Variants in CHRM2 observed in about 807,000 individuals in gnomAD.
CHRM2 encodes the protein cholinergic receptor muscarinic 2.
Under a neutral mutation model 25.0 loss-of-function variants are expected in CHRM2, and 8 were observed. That is an observed-to-expected ratio of 0.32 (90% CI 0.19 to 0.58). The LOEUF (loss-of-function observed/expected upper bound fraction) is 0.58, where lower values mean the gene tolerates loss of function less well. Ranked by LOEUF, CHRM2 falls within the 20% of genes least tolerant of loss-of-function variation. The pLI is 0.88. For synonymous variants in CHRM2, 202 were observed against 205.7 expected (o/e 0.98, Z 0.15); for missense variants, 440 against 567.1 (o/e 0.78, Z 2.28).
intron 2 of CHRM2, among the ~76,000 whole-genome samples, chr7:136,944,473 ATGTGTG>A (rs3068417): frequency 0.14 from 21,496 of 151,368 alleles, 2,045 homozygotes; most frequent in East Asian, 0.38. Context: ...GTATGTATGT[ATGTGTG>A]TGTGTGTGTA....
intron 3 of CHRM2, among the ~76,000 whole-genome samples, chr7:137,011,973 T>A (rs1304511189): frequency 6.6e-6 from 1 of 152,088 alleles, no homozygotes; most frequent in African/African-American, 2.4e-5. Flanking sequence ...ATCAAACTAG[T>A]TGATTTTGAA....
intron 2 of CHRM2, among the ~76,000 whole-genome samples, chr7:136,967,105 A>AATGTC (rs1166000886): frequency 2.0e-5 from 3 of 152,086 alleles, no homozygotes; most frequent in Middle Eastern, 6.8e-3. Context: ...ATAATAGAAG[A>AATGTC]ATGTCATGGA....
chr7:136,906,204 T>TATAC (rs1439265662), intron 2 of CHRM2, among the ~76,000 whole-genome samples: 2 of 150,926 alleles, frequency 1.3e-5, no homozygotes, highest in Non-Finnish European at 3.0e-5. Context: ...CGTATATATA[T>TATAC]ATACGCACAC....
At chr7:136,913,286 A>C (rs1436769608) in intron 2 of CHRM2, among the ~76,000 whole-genome samples, 1 of 151,944 alleles carries the variant, frequency 6.6e-6, no homozygotes, top group Non-Finnish European at 1.5e-5. Flanking sequence ...AAAATAAATA[A>C]TGGATTAGCC....
At chr7:136,910,282 A>G (rs1563060158) in intron 2 of CHRM2, among the ~76,000 whole-genome samples, 1 of 151,962 alleles carries the variant, frequency 6.6e-6, no homozygotes, top group Non-Finnish European at 1.5e-5. Flanking sequence ...TTTGATTAGC[A>G]TAGTAAACAT....
At chr7:136,970,068 C>T (rs1490311315) in intron 2 of CHRM2, among the ~76,000 whole-genome samples, 2 of 152,100 alleles carry the variant, frequency 1.3e-5, no homozygotes, top group Non-Finnish European at 2.9e-5. Flanking sequence ...CATGAAGCTT[C>T]CCTCTCATGA....
chr7:136,874,007 A>G (rs1331375467), intron 2 of CHRM2, among the ~76,000 whole-genome samples: 1 of 152,236 alleles, frequency 6.6e-6, no homozygotes, highest in Admixed American at 6.5e-5. Context: ...ATAAAAGATA[A>G]TTTTGATATC....
intron 3 of CHRM2, among the ~76,000 whole-genome samples, chr7:136,996,609 T>C (rs73158771): frequency 0.15 from 22,110 of 152,160 alleles, 2,160 homozygotes; most frequent in East Asian, 0.35. Context: ...TAAAAAATCA[T>C]GTACAAGGAA....
At chr7:136,965,364 A>G (rs989932942) in intron 2 of CHRM2, among the ~76,000 whole-genome samples, 1 of 152,122 alleles carries the variant, frequency 6.6e-6, no homozygotes, top group Non-Finnish European at 1.5e-5. Context: ...GTAGTTGAGG[A>G]AGTAATGAAT....
chr7:136,962,844 T>G (rs1358891785), intron 2 of CHRM2, among the ~76,000 whole-genome samples: 1 of 152,128 alleles, frequency 6.6e-6, no homozygotes, highest in Non-Finnish European at 1.5e-5. Context: ...GAAAAATAAT[T>G]AAGGCCCTGA....
chr7:136,903,596 C>A (rs1279755399), intron 2 of CHRM2, among the ~76,000 whole-genome samples: 1 of 151,978 alleles, frequency 6.6e-6, no homozygotes, highest in Non-Finnish European at 1.5e-5. Context: ...ACAGGCAAAT[C>A]TAGCATTTAA....
intron 2 of CHRM2, among the ~76,000 whole-genome samples, chr7:136,923,679 A>C (rs535659312): frequency 4.6e-5 from 7 of 152,254 alleles, no homozygotes; most frequent in African/African-American, 1.7e-4. Context: ...TTAGTGTTGC[A>C]AGTGCCTTTT....
chr7:137,003,143 A>G (rs1272409913), intron 3 of CHRM2, among the ~76,000 whole-genome samples: 2 of 152,128 alleles, frequency 1.3e-5, no homozygotes, highest in African/African-American at 4.8e-5. Context: ...GAACAGTTGC[A>G]TCCCCTATAC....
intron 2 of CHRM2, among the ~76,000 whole-genome samples, chr7:136,969,377 C>T (rs894294612): frequency 4.6e-5 from 7 of 152,216 alleles, no homozygotes; most frequent in South Asian, 4.1e-4. Flanking sequence ...ACCTGATTCC[C>T]GGTTATCTTC....
At chr7:136,927,614 T>C (rs1268833641) in intron 2 of CHRM2, among the ~76,000 whole-genome samples, 1 of 152,196 alleles carries the variant, frequency 6.6e-6, no homozygotes, top group Non-Finnish European at 1.5e-5. Context: ...TATGCCAGGA[T>C]AGACAAATTA....
chr7:136,965,381 G>T (rs1801347490), intron 2 of CHRM2, among the ~76,000 whole-genome samples: 1 of 152,022 alleles, frequency 6.6e-6, no homozygotes, highest in African/African-American at 2.4e-5. Context: ...GAATGGAATT[G>T]CTATTATGGA....
At chr7:136,912,259 G>A (rs1320828392) in intron 2 of CHRM2, among the ~76,000 whole-genome samples, 1 of 151,704 alleles carries the variant, frequency 6.6e-6, no homozygotes, top group African/African-American at 2.4e-5. Context: ...AATAATCACT[G>A]GAATTTGACT....
intron 2 of CHRM2, among the ~76,000 whole-genome samples, chr7:136,959,193 A>G (rs1313487010): frequency 6.6e-6 from 1 of 152,204 alleles, no homozygotes; most frequent in Non-Finnish European, 1.5e-5. Context: ...TCAATTAAAA[A>G]TAGTTTGAGA....
chr7:136,937,858 T>G (rs939446972), intron 2 of CHRM2, among the ~76,000 whole-genome samples: 23 of 152,194 alleles, frequency 1.5e-4, no homozygotes, highest in African/African-American at 5.1e-4. Flanking sequence ...CAAATTTTCT[T>G]TCACCACCAA....
Sources: allele counts gnomAD v4.1 joint callset (sites outside exome capture counted in the v4.1 genomes callset), GRCh38; gene constraint gnomAD v4.1.1; transcripts MANE v1.5; gene names NCBI Gene and HGNC (gene_info 2026-07-23, HGNC 2026-07-21).